LY75: variants seen among roughly 807,000 people sequenced by gnomAD.
LY75 encodes C-type lectin domain family 13 member B.
In LY75, 185 loss-of-function variants were observed where a neutral mutation model predicts 231.7. The observed-to-expected ratio is 0.80, with a 90% CI of 0.71 to 0.90. The LOEUF is 0.90. LY75 is among the 40% of genes least tolerant of loss of function. The probability of loss-of-function intolerance (pLI) is 0.00; values close to 1 mark genes in which losing one functional copy is unlikely to be tolerated. For synonymous variants in LY75, 668 were observed against 689.0 expected, an observed-to-expected ratio of 0.97 and a Z score of 0.48; for missense variants, 1,947 against 2,050.2, an observed-to-expected ratio of 0.95 and a Z score of 0.97.
intron 23 of LY75, among the ~76,000 whole-genome samples, chr2:159,847,591 G>T (rs548565017): frequency 1.3e-5 from 2 of 152,020 alleles, no homozygotes; most frequent in African/African-American, 4.8e-5. Flanking sequence ...GTGGGGCAGG[G>T]GTAACATCTT....
intron 34 of LY75, 25 bp downstream of exon 34, chr2:159,806,948 T>C: frequency 6.3e-7 from 1 of 1,577,116 alleles, no homozygotes; most frequent in Non-Finnish European, 8.6e-7. Context: ...GCAAAAAGTC[T>C]CCTAAGGACA....
At chr2:159,814,294 A>G (rs1318902333) in intron 31 of LY75, among the ~76,000 whole-genome samples, 3 of 152,194 alleles carry the variant, frequency 2.0e-5, no homozygotes, top group African/African-American at 4.8e-5. Flanking sequence ...TAAGGATCAT[A>G]TAAATTTGGA....
intron 14 of LY75, among the ~76,000 whole-genome samples, chr2:159,861,267 A>G (rs79291718): frequency 0.03 from 4,568 of 152,306 alleles, 209 homozygotes; most frequent in African/African-American, 0.1. Flanking sequence ...TTTTACATTT[A>G]GAAAGAATAA....
At chr2:159,888,217 G>T (rs1574595610) in intron 4 of LY75, among the ~76,000 whole-genome samples, 1 of 152,140 alleles carries the variant, frequency 6.6e-6, no homozygotes, top group Non-Finnish European at 1.5e-5. Context: ...AGAGGGGTAC[G>T]TAGTATAACA....
At chr2:159,877,651 C>G (rs1486329624) in intron 11 of LY75, among the ~76,000 whole-genome samples, 1 of 152,152 alleles carries the variant, frequency 6.6e-6, no homozygotes, top group East Asian at 1.9e-4. Flanking sequence ...AGATGGATTA[C>G]TTGGGGTCAG....
At chr2:159,825,779 A>G (rs62175255) in intron 28 of LY75, among the ~76,000 whole-genome samples, 61,900 of 151,790 alleles carry the variant, frequency 0.41, 14,268 homozygotes, top group Non-Finnish European at 0.52. Flanking sequence ...TCGGCTTCAT[A>G]TCTGGGATGA....
intron 14 of LY75, among the ~76,000 whole-genome samples, chr2:159,864,455 T>G (rs1317231378): frequency 6.6e-6 from 1 of 152,198 alleles, no homozygotes; most frequent in Non-Finnish European, 1.5e-5. Flanking sequence ...TTTTTCTGCA[T>G]GTGGAAATCC....
chr2:159,898,545 G>A (rs543452287), intron 2 of LY75, 143 bp downstream of exon 2: 10 of 1,365,078 alleles, frequency 7.3e-6, no homozygotes, highest in Middle Eastern at 2.7e-4. Context: ...GTCGCTCAAA[G>A]TAACTGCACA....
chr2:159,902,179 A>T (rs1362478980), intron 1 of LY75, among the ~76,000 whole-genome samples: 1 of 152,198 alleles, frequency 6.6e-6, no homozygotes, highest in Non-Finnish European at 1.5e-5. Flanking sequence ...GGTTTTGTTC[A>T]CTTTACAACT....
intron 5 of LY75, among the ~76,000 whole-genome samples, chr2:159,885,774 G>T (rs1685565219): frequency 6.6e-6 from 1 of 152,038 alleles, no homozygotes; most frequent in Admixed American, 6.6e-5. Context: ...GAATTTTATT[G>T]CTCTTAACTC....
At position 159,854,903 on chromosome 2, in the gene LY75, C is replaced by T. The variant is rs778650634; in HGVS notation, c.2419+1G>A. 3 of 1,613,702 alleles carry T rather than the reference C, an allele frequency of 1.9e-6. No homozygotes were observed. Among genetic ancestry groups the T allele is most frequent in the Middle Eastern group, 1.7e-4 (1 of 6,056 alleles). On this transcript the variant is annotated splice_donor_variant, in intron 17 of 34. Coordinates refer to ENST00000263636, the MANE Select transcript of LY75 (RefSeq NM_002349.4). LOFTEE classifies it high-confidence loss of function. ...GTTAAATTTCAGTTTTCTTAACTCACCTGGATTGTACCAGTCTGGTGTTTT... is the reference window on the plus strand; with the variant it reads ...GTTAAATTTCAGTTTTCTTAACTCATCTGGATTGTACCAGTCTGGTGTTTT...
Position 159,852,311 on chromosome 2 carries a change from TGGTACTA to T in LY75, c.2766_2772del (p.Cys922Ter), listed in dbSNP as rs776702327. 4 of 1,614,048 alleles carry T rather than the reference TGGTACTA, an allele frequency of 2.5e-6. No homozygotes were observed. The highest frequency in any genetic ancestry group is 2.5e-6 in the Non-Finnish European group (3 of 1,179,944). The stretch of plus-strand genomic sequence containing the variant: ...TATTTTTCACAGATGAAGGGCAACT[TGGTACTA>T]CAGTCTGTTGGTTTACCTAAGTCTG... On this transcript the variant is annotated frameshift_variant, in exon 21 of 35. Transcript: ENST00000263636. LOFTEE classifies it high-confidence loss of function.
chr2:159,840,935 A>T lies in LY75; in HGVS notation c.3301T>A (p.Leu1101Met), dbSNP rs769993123. ...TTTACAGTTTCTGAAGCATTCTGCA[A>T]CGTCTGTCTGCTTTTAACTTCTGCA... ...KYSEVKSRQT[L>M]QNASETVKYL... The change falls in exon 25 of 35, where the codon TTG becomes ATG. Residue 1101 changes from leucine to methionine, a missense_variant. Physicochemically the swap from Leu to Met is conservative, Grantham distance 15. Transcript: ENST00000263636. The T allele has an allele frequency of 6.2e-7, 1 of 1,613,882 alleles. No individual in the cohort carries two copies. The highest frequency in any genetic ancestry group is 1.1e-5 in the South Asian group (1 of 91,074).
intron 1 of LY75, among the ~76,000 whole-genome samples, chr2:159,902,170 G>A (rs930631917): frequency 3.9e-5 from 6 of 152,196 alleles, no homozygotes; most frequent in South Asian, 2.1e-4. Flanking sequence ...TTTCTACTGG[G>A]TTTTGTTCAC....
At chr2:159,861,666 A>G (rs940220897) in intron 14 of LY75, among the ~76,000 whole-genome samples, 9 of 152,138 alleles carry the variant, frequency 5.9e-5, no homozygotes, top group African/African-American at 2.2e-4. Context: ...TGAACCCAGG[A>G]GGTTGAGGCT....
intron 11 of LY75, among the ~76,000 whole-genome samples, chr2:159,877,871 A>G (rs72957552): frequency 0.37 from 56,377 of 152,018 alleles, 13,069 homozygotes; most frequent in Non-Finnish European, 0.52. Context: ...CCCATCTCAA[A>G]ACAAAAACAA....
At position 159,822,481 on chromosome 2, in the gene LY75, C is replaced by T. The variant is rs191901706; in HGVS notation, c.3959-2561G>A. Among the ~76,000 whole-genome samples, 574 of 152,272 alleles carry T rather than the reference C, an allele frequency of 3.8e-3. 12 individuals are homozygous for T. The highest frequency in any genetic ancestry group is 1.0e-3 in the Non-Finnish European group (69 of 68,018). On this transcript the variant is annotated intron_variant, in intron 28 of 34. Coordinates refer to ENST00000263636, the MANE Select transcript of LY75 (RefSeq NM_002349.4). ...AGCAAGGTTGCTGTGGCCAGATGGC[C>T]CTATTTCTCCTCTCTGGGCAGGGCA...
chr2:159,863,743 G>C (rs1684779867), intron 14 of LY75, among the ~76,000 whole-genome samples: 1 of 152,088 alleles, frequency 6.6e-6, no homozygotes, highest in African/African-American at 2.4e-5. Context: ...GTATGTTCCT[G>C]CCTCCATATG....
At chr2:159,864,040 T>C (rs1370254224) in intron 14 of LY75, among the ~76,000 whole-genome samples, 3 of 152,234 alleles carry the variant, frequency 2.0e-5, no homozygotes, top group Non-Finnish European at 4.4e-5. Flanking sequence ...TGTTTAAGTA[T>C]GTTCTATGAT....
Sources: allele counts gnomAD v4.1 joint callset (sites outside exome capture counted in the v4.1 genomes callset), GRCh38; gene constraint gnomAD v4.1.1; transcripts MANE v1.5; gene names NCBI Gene and HGNC (gene_info 2026-07-23, HGNC 2026-07-21).